The following PKP4 variants were observed in gnomAD, a reference collection of about 807,000 sequenced individuals.
PKP4 encodes the protein plakophilin 4.
In PKP4, 90 loss-of-function variants were observed where a neutral mutation model predicts 145.1. The ratio of observed to expected loss-of-function variants is 0.62; its 90% CI spans 0.52 to 0.74. The LOEUF is 0.74. Ranked by LOEUF, PKP4 falls within the 30% of genes least tolerant of loss-of-function variation. PKP4 has a pLI of 0.00. For missense variants in PKP4, 1,340 were observed against 1,482.7 expected, an observed-to-expected ratio of 0.90 and a Z score of 1.58; for synonymous variants, 563 against 577.2, an observed-to-expected ratio of 0.98 and a Z score of 0.35.
intron 19 of PKP4, among the ~76,000 whole-genome samples, chr2:158,674,333 G>A (rs990295797): frequency 1.7e-4 from 26 of 152,310 alleles, no homozygotes; most frequent in African/African-American, 3.1e-4. Context: ...ACTTCGAGAC[G>A]CACTGGGTTA....
intron 16 of PKP4, 177 bp downstream of exon 16, chr2:158,666,740 G>C: frequency 2.0e-6 from 1 of 501,504 alleles, no homozygotes; most frequent in Non-Finnish European, 3.4e-6. Flanking sequence ...TCAGCAGGAG[G>C]CAAGCTCATT....
chr2:158,476,716 T>G (rs1039558077), intron 1 of PKP4, among the ~76,000 whole-genome samples: 2 of 152,150 alleles, frequency 1.3e-5, no homozygotes, highest in Non-Finnish European at 2.9e-5. Flanking sequence ...AAAATAGTTT[T>G]TTTTTTTTCT....
intron 1 of PKP4, among the ~76,000 whole-genome samples, chr2:158,503,516 G>T (rs1696885819): frequency 6.6e-6 from 1 of 152,124 alleles, no homozygotes; most frequent in East Asian, 1.9e-4. Flanking sequence ...ATCAAATCCT[G>T]TTTTAAAGTG....
chr2:158,644,829 A>T (rs1161283495), intron 11 of PKP4, among the ~76,000 whole-genome samples: 3 of 152,218 alleles, frequency 2.0e-5, no homozygotes, highest in Non-Finnish European at 4.4e-5. Flanking sequence ...TACATAAGAC[A>T]AAATGTTAAT....
At chr2:158,580,689 A>C (rs892636888) in intron 3 of PKP4, among the ~76,000 whole-genome samples, 3 of 152,184 alleles carry the variant, frequency 2.0e-5, no homozygotes, top group Admixed American at 6.5e-5. Flanking sequence ...ATGAAATTTT[A>C]AGGGTTATGA....
chr2:158,556,091 T>C (rs886201202), intron 2 of PKP4, among the ~76,000 whole-genome samples: 3 of 152,254 alleles, frequency 2.0e-5, no homozygotes, highest in African/African-American at 7.2e-5. Flanking sequence ...CAATGTCTTA[T>C]TTATCACATT....
intron 3 of PKP4, among the ~76,000 whole-genome samples, chr2:158,583,197 A>C (rs73969006): frequency 6.6e-6 from 1 of 151,996 alleles, no homozygotes; most frequent in African/African-American, 2.4e-5. Context: ...ATTCCCTGCA[A>C]TATCATTGAT....
intron 1 of PKP4, among the ~76,000 whole-genome samples, chr2:158,496,435 C>T (rs779714901): frequency 1.3e-5 from 2 of 152,102 alleles, no homozygotes; most frequent in Non-Finnish European, 2.9e-5. Context: ...TGTTGGTGCA[C>T]CCCTCTTGTG....
At chr2:158,460,409 T>G (rs1689588716) in intron 1 of PKP4, among the ~76,000 whole-genome samples, 1 of 152,170 alleles carries the variant, frequency 6.6e-6, no homozygotes, top group Non-Finnish European at 1.5e-5. Context: ...CAAAGTAAAT[T>G]TAATGTAAAA....
At chr2:158,465,952 C>T (rs1271137806) in intron 1 of PKP4, among the ~76,000 whole-genome samples, 1 of 152,176 alleles carries the variant, frequency 6.6e-6, no homozygotes, top group East Asian at 1.9e-4. Context: ...CTGAAATCTT[C>T]GGATAGTATA....
chr2:158,676,705 C>G (rs776010146), intron 19 of PKP4, 34 bp from the exon 20 acceptor site: 2 of 1,613,150 alleles, frequency 1.2e-6, no homozygotes, highest in East Asian at 2.2e-5. Flanking sequence ...CTCTTTCTAC[C>G]CCTCTTTCTC....
intron 1 of PKP4, among the ~76,000 whole-genome samples, chr2:158,466,019 A>G (rs1690552123): frequency 6.6e-6 from 1 of 152,248 alleles, no homozygotes; most frequent in African/African-American, 2.4e-5. Flanking sequence ...AATTTTTCAC[A>G]GAAGCAACAT....
chr2:158,656,016 G>C (rs2528583), intron 11 of PKP4, among the ~76,000 whole-genome samples: 99,858 of 151,806 alleles, frequency 0.66, 36,017 homozygotes, highest in East Asian at 0.91. Context: ...TGTTTCTCAT[G>C]CTTAGCTCCC....
chr2:158,540,258 A>G (rs1005817092), intron 2 of PKP4, among the ~76,000 whole-genome samples: 1 of 152,170 alleles, frequency 6.6e-6, no homozygotes, highest in Non-Finnish European at 1.5e-5. Context: ...GGTTTGTTTG[A>G]AAGACTGTTC....
At chr2:158,541,854 T>C (rs2044551980) in intron 2 of PKP4, among the ~76,000 whole-genome samples, 1 of 152,140 alleles carries the variant, frequency 6.6e-6, no homozygotes, top group African/African-American at 2.4e-5. Flanking sequence ...TTAAAAATTT[T>C]CCCCAAATCA....
intron 1 of PKP4, among the ~76,000 whole-genome samples, chr2:158,460,519 A>C (rs974508401): frequency 6.6e-6 from 1 of 152,204 alleles, no homozygotes; most frequent in African/African-American, 2.4e-5. Flanking sequence ...AATAATATTC[A>C]TACCCTGGAT....
At chr2:158,489,472 G>T (rs1694637993) in intron 1 of PKP4, among the ~76,000 whole-genome samples, 2 of 152,126 alleles carry the variant, frequency 1.3e-5, no homozygotes, top group Admixed American at 6.5e-5. Context: ...AGTGGAGTTG[G>T]TATGTCATCC....
chr2:158,572,058 C>G (rs973885951), intron 2 of PKP4, among the ~76,000 whole-genome samples: 6 of 151,896 alleles, frequency 4.0e-5, no homozygotes, highest in Admixed American at 1.3e-4. Flanking sequence ...AGACATCAAC[C>G]TAAACAGGAA....
chr2:158,471,196 T>C (rs779825416), intron 1 of PKP4, among the ~76,000 whole-genome samples: 15 of 152,224 alleles, frequency 9.9e-5, no homozygotes, highest in Non-Finnish European at 2.1e-4. Context: ...TTAAGCGTGG[T>C]AATGGATGGA....
Sources: gnomAD v4.1 joint callset for allele counts (sites outside exome capture counted in the v4.1 genomes callset) on GRCh38, gnomAD v4.1.1 for gene constraint, MANE v1.5 for transcripts, NCBI Gene and HGNC (gene_info 2026-07-23, HGNC 2026-07-21) for gene names.